The following HIF1A variants were observed in gnomAD, a reference collection of about 807,000 sequenced individuals.
The protein encoded by HIF1A is hypoxia inducible factor 1 subunit alpha, also known as hypoxia-inducible factor 1-alpha.
In HIF1A, 24 loss-of-function variants were observed where a neutral mutation model predicts 92.7. The observed-to-expected ratio is 0.26, with a 90% CI of 0.19 to 0.36. HIF1A has a LOEUF of 0.36. Among genes scored for constraint, HIF1A ranks in the 10% least tolerant of loss-of-function variants. HIF1A has a pLI of 1.00. For missense variants in HIF1A, 799 were observed against 998.5 expected, an observed-to-expected ratio of 0.80 and a Z score of 2.69; for synonymous variants, 319 against 338.7, an observed-to-expected ratio of 0.94 and a Z score of 0.64.
rs777173441 is a variant in HIF1A, at chr14:61,746,970, A to C, written c.2366A>C (p.Glu789Ala). The change falls in exon 15 of 15, where the codon GAA becomes GCA. Residue 789 changes from glutamate (E) to alanine (A), a missense_variant. Physicochemically the swap from Glu to Ala is moderately radical, Grantham distance 107. Transcript: ENST00000337138. ...ACRLLGQSMD[E>A]SGLPQLTSYD... ...AGACTGCTGGGGCAATCAATGGATG[A>C]AAGTGGATTACCACAGCTGACCAGT... The C allele has an allele frequency of 5.0e-6, 8 of 1,612,978 alleles. No homozygotes were observed. The African/African-American group carries it at 9.3e-5, about 19-fold the overall frequency.
At chr14:61,726,874 A>G in intron 5 of HIF1A, 56 bp downstream of exon 5, 1 of 975,726 alleles carries the variant, frequency 1.0e-6, no homozygotes, top group Non-Finnish European at 1.5e-6. Context: ...TAGACATTGT[A>G]GTATTAAGAT....
At chr14:61,697,667 A>G (rs1408495623) in intron 1 of HIF1A, 4 of 1,186,872 alleles carry the variant, frequency 3.4e-6, no homozygotes, top group Non-Finnish European at 3.1e-6. Context: ...CATATTTCTT[A>G]GTATAGAAGT....
chr14:61,734,155 G>A lies in HIF1A; in HGVS notation c.898G>A (p.Val300Ile), dbSNP rs1414883260. 8.9e-6 allele frequency: 14 copies of A among 1,572,448 alleles called. No homozygotes were observed. In the Admixed American group the frequency reaches 1.3e-4, roughly 15 times the overall value. ...THHDMFTKGQ[V>I]TTGQYRMLAK... The stretch of plus-strand genomic sequence containing the variant: ...CCCCCTAGTGTTTACTAAAGGACAA[G>A]TCACCACAGGACAGTACAGGATGCT... The change falls in exon 8 of 15, where the codon GTC (valine) becomes ATC (isoleucine). Residue 300 changes from valine (V) to isoleucine (I), a missense_variant. By Grantham distance (29) the Val-to-Ile change is conservative. This residue lies in a region of HIF1A where 516 missense variants were observed against 721.0 expected (regional missense o/e 0.72). Coordinates refer to ENST00000337138, the MANE Select transcript of HIF1A (RefSeq NM_001530.4).
chr14:61,720,673 A>G (rs922722126), intron 2 of HIF1A, 101 bp downstream of exon 2: 3 of 688,866 alleles, frequency 4.4e-6, no homozygotes, highest in African/African-American at 1.8e-5. Context: ...GATTTTGTAT[A>G]CCTCTTTATA....
chr14:61,737,185 C>A (rs554247871), intron 9 of HIF1A, 76 bp downstream of exon 9: 3 of 989,584 alleles, frequency 3.0e-6, no homozygotes, highest in African/African-American at 1.6e-5. Context: ...CATTACTTTA[C>A]GGTTTTTGTT....
Position 61,741,196 on chromosome 14 carries a change from T to C in HIF1A, c.2093+8T>C. 2 of 1,541,280 alleles carry C rather than the reference T, an allele frequency of 1.3e-6. No homozygotes were observed. Among genetic ancestry groups the C allele is most frequent in the Non-Finnish European group, 1.8e-6 (2 of 1,133,262 alleles). ...TGTCGCTTTGAGTCAAAGGTATTTA[T>C]ATGTAACATTCAAGTTATAGTTCTT... is the stretch of plus-strand genomic sequence containing the variant. On this transcript the variant is annotated splice_region_variant and intron_variant, in intron 12 of 14. Coordinates refer to ENST00000337138, the MANE Select transcript of HIF1A (RefSeq NM_001530.4).
At chr14:61,711,681 T>A (rs1011888898) in intron 1 of HIF1A, among the ~76,000 whole-genome samples, 2 of 152,200 alleles carry the variant, frequency 1.3e-5, no homozygotes, top group African/African-American at 4.8e-5. Context: ...CTGCTGGCTC[T>A]GCTGGCTCTG....
In HIF1A at chr14:61,747,604, T is replaced by C. The variant is rs2044810140; in HGVS notation, c.*519T>C. On this transcript the variant is annotated 3_prime_UTR_variant, in exon 15 of 15. Coordinates refer to ENST00000337138, the MANE Select transcript of HIF1A (RefSeq NM_001530.4). ...TTACTCATGGAATATATTCTGCGTTTATAAAACTAGTTTTTAAGAAGAAAT... is the reference window on the plus strand; with the variant it reads ...TTACTCATGGAATATATTCTGCGTTCATAAAACTAGTTTTTAAGAAGAAAT... 1 of 152,606 alleles carries C rather than the reference T, an allele frequency of 6.6e-6. No homozygotes were observed. The allele number at this position is 152,606 out of a possible 1,614,324, so 9.5% of individuals were successfully genotyped here. A position where few individuals can be genotyped will look rare whatever the true frequency, so the allele number is the denominator to read the frequency against.
chr14:61,706,704 G>A (rs1594858940), intron 1 of HIF1A, among the ~76,000 whole-genome samples: 1 of 152,110 alleles, frequency 6.6e-6, no homozygotes, highest in Non-Finnish European at 1.5e-5. Flanking sequence ...GGACCCATTC[G>A]CCAGAGATTC....
chr14:61,701,024 C>G (rs1423019544), intron 1 of HIF1A, among the ~76,000 whole-genome samples: 1 of 152,160 alleles, frequency 6.6e-6, no homozygotes, highest in Non-Finnish European at 1.5e-5. Flanking sequence ...TATGCCAGTA[C>G]TTTTTCACAG....
At position 61,695,707 on chromosome 14, in the gene HIF1A, C is replaced by A; in HGVS notation, c.-98C>A. The stretch of plus-strand genomic sequence containing the variant: ...CTCGCACCCCCACCTCTGGACTTGC[C>A]TTTCCTTCTCTTCTCCGCGTGTGGA... On this transcript the variant is annotated 5_prime_UTR_variant, in exon 1 of 15. Coordinates refer to ENST00000337138, the MANE Select transcript of HIF1A (RefSeq NM_001530.4). The A allele has an allele frequency of 7.3e-7, 1 of 1,371,078 alleles. No individual in the cohort carries two copies. Among genetic ancestry groups the A allele is most frequent in the Admixed American group, 2.1e-5 (1 of 47,742 alleles). 84.9% of individuals were successfully genotyped at this position (1,371,078 alleles called of 1,614,324 possible). A position where few individuals can be genotyped will look rare whatever the true frequency, so the allele number is the denominator to read the frequency against.
chr14:61,737,571 T>A (rs948476243), intron 9 of HIF1A, among the ~76,000 whole-genome samples: 2 of 152,194 alleles, frequency 1.3e-5, no homozygotes, highest in African/African-American at 4.8e-5. Context: ...GCCATAGAGA[T>A]TAAGACGCGG....
intron 6 of HIF1A, among the ~76,000 whole-genome samples, chr14:61,729,837 C>T (rs2044554144): frequency 6.6e-6 from 1 of 152,040 alleles, no homozygotes; most frequent in African/African-American, 2.4e-5. Context: ...AGACAGCCAG[C>T]TCATATATCA....
intron 10 of HIF1A, among the ~76,000 whole-genome samples, chr14:61,739,303 G>T (rs1458638413): frequency 1.3e-5 from 2 of 152,096 alleles, no homozygotes; most frequent in East Asian, 3.9e-4. Flanking sequence ...GGCTAGGCTG[G>T]CCAAGACTTA....
rs1046843145 is a variant in HIF1A at position 61,696,594 on chromosome 14, T to C, written c.35+755T>C. 5.3e-5 allele frequency among the ~76,000 whole-genome samples: 8 copies of C among 152,328 alleles called. No individual in the cohort carries two copies. The South Asian group carries it at 8.3e-4, about 16-fold the overall frequency. ...CAACATTTTAAAGAGAACTTCAGAA[T>C]TGGATACTTGAGTTCATATCACCTG... On this transcript the variant is annotated intron_variant, in intron 1 of 14. Coordinates refer to ENST00000337138, the MANE Select transcript of HIF1A (RefSeq NM_001530.4).
intron 4 of HIF1A, among the ~76,000 whole-genome samples, chr14:61,722,284 C>T (rs549285384): frequency 6.6e-6 from 1 of 152,288 alleles, no homozygotes; most frequent in South Asian, 2.1e-4. Flanking sequence ...GACAAAGTCT[C>T]ACTATGCTGC....
intron 6 of HIF1A, among the ~76,000 whole-genome samples, chr14:61,730,423 T>C (rs2044562390): frequency 6.6e-6 from 1 of 152,172 alleles, no homozygotes; most frequent in Admixed American, 6.5e-5. Context: ...CCTATGACAA[T>C]ATAAACAATA....
In HIF1A at chr14:61,740,808, C is replaced by T. The variant is rs2044699929; in HGVS notation, c.1713C>T (p.Asp571=). 1 of 1,614,080 alleles carries T rather than the reference C, an allele frequency of 6.2e-7. No homozygotes were observed. The highest frequency in any genetic ancestry group is 8.5e-7 in the Non-Finnish European group (1 of 1,179,956). The part of the protein sequence containing the change: ...MLAPYIPMDD[D]FQLRSFDQLS... ...CTCCCTATATCCCAATGGATGATGA[C>T]TTCCAGTTACGTTCCTTCGATCAGT... Residue 571 remains aspartate, a synonymous_variant, in exon 12 of 15, where the codon GAC becomes GAT. Transcript: ENST00000337138.
intron 1 of HIF1A, chr14:61,716,948 C>T (rs747421217): frequency 2.0e-5 from 3 of 152,304 alleles, no homozygotes; most frequent in Non-Finnish European, 2.9e-5. Flanking sequence ...TTTAACTGTA[C>T]TCTTAACTGA....
Sources: gnomAD v4.1 joint callset for allele counts (sites outside exome capture counted in the v4.1 genomes callset) on GRCh38, gnomAD v4.1.1 for gene constraint, gnomAD v4.1.1 regional missense constraint, MANE v1.5 for transcripts, NCBI Gene and HGNC (gene_info 2026-07-23, HGNC 2026-07-21) for gene names.